NDFIP1: variants seen among roughly 807,000 people sequenced by gnomAD.
NDFIP1 encodes NEDD4 family-interacting protein 1.
Under a neutral mutation model 28.8 loss-of-function variants are expected in NDFIP1, and 7 were observed. The ratio of observed to expected loss-of-function variants is 0.24; its 90% CI spans 0.14 to 0.46. The LOEUF is 0.46. Ranked by LOEUF, NDFIP1 falls within the 20% of genes least tolerant of loss-of-function variation. The pLI, the probability that NDFIP1 is intolerant of heterozygous loss-of-function variation, is 0.99. For synonymous variants in NDFIP1, 92 were observed against 101.0 expected, an observed-to-expected ratio of 0.91 and a Z score of 0.53; for missense variants, 194 against 269.1, an observed-to-expected ratio of 0.72 and a Z score of 1.95.
chr5:142,141,280 A>C (rs1202708549), intron 6 of NDFIP1, among the ~76,000 whole-genome samples: 1 of 137,068 alleles, frequency 7.3e-6, no homozygotes, highest in Non-Finnish European at 1.5e-5. Flanking sequence ...GGTTCACACC[A>C]TTCTCCTGCC....
In NDFIP1 at chr5:142,117,565, T is replaced by G. The variant is rs184220251; in HGVS notation, c.63+8528T>G. ...CGATTTCATTTTATCATTCGATGCT[T>G]AAATGTGATATTTAAAATTAAGCAT... On this transcript the variant is annotated intron_variant, in intron 1 of 7. Coordinates refer to ENST00000253814, the MANE Select transcript of NDFIP1 (RefSeq NM_030571.4). Among the ~76,000 whole-genome samples, 5 of 152,276 alleles carry G rather than the reference T, an allele frequency of 3.3e-5. No homozygotes were observed. The East Asian group carries it at 9.6e-4, about 29-fold the overall frequency.
chr5:142,115,170 G>A (rs1757052336), intron 1 of NDFIP1, among the ~76,000 whole-genome samples: 1 of 152,116 alleles, frequency 6.6e-6, no homozygotes, highest in Non-Finnish European at 1.5e-5. Flanking sequence ...AGAGATTCAA[G>A]TGACATCCTC....
At position 142,135,752 on chromosome 5, in the gene NDFIP1, A is replaced by T; in HGVS notation, c.305A>T (p.Asp102Val). ...PGRDEDFVGRDDFDDADQLRI... is the reference protein window; with the variant it reads ...PGRDEDFVGRVDFDDADQLRI... ...TAGGATGAGGATTTTGTGGGTCGGG[A>T]TGATTTTGATGATGCTGACCAGCTG... The change falls in exon 4 of 8, where the codon GAT becomes GTT. Residue 102 changes from aspartate (D) to valine (V), a missense_variant. By Grantham distance (152) the Asp-to-Val change is radical. Coordinates refer to ENST00000253814, the MANE Select transcript of NDFIP1 (RefSeq NM_030571.4). 6.2e-7 allele frequency: 1 copy of T among 1,613,784 alleles called. No homozygotes were observed. The highest frequency in any genetic ancestry group is 8.5e-7 in the Non-Finnish European group (1 of 1,179,788).
chr5:142,134,520 C>T (rs1421927429), intron 3 of NDFIP1, among the ~76,000 whole-genome samples: 1 of 152,168 alleles, frequency 6.6e-6, no homozygotes, highest in African/African-American at 2.4e-5. Context: ...GCCATTGCCA[C>T]CGACTTCCCT....
chr5:142,146,182 TTTAAAG>T (rs2126923592), intron 7 of NDFIP1, among the ~76,000 whole-genome samples: 1 of 151,444 alleles, frequency 6.6e-6, no homozygotes, highest in South Asian at 2.1e-4. Flanking sequence ...TTAAACTGCT[TTTAAAG>T]TTAGTTTCAT....
At chr5:142,150,581 C>T (rs6580231) in intron 7 of NDFIP1, among the ~76,000 whole-genome samples, 3 of 151,782 alleles carry the variant, frequency 2.0e-5, no homozygotes, top group South Asian at 2.1e-4. Context: ...CAGAAGACAC[C>T]GGGCATAGTG....
chr5:142,141,978 T>G (rs193225348), intron 6 of NDFIP1, among the ~76,000 whole-genome samples: 197 of 152,062 alleles, frequency 1.3e-3, no homozygotes, highest in African/African-American at 4.1e-3. Context: ...TACAAAAAAA[T>G]TTTTTTAAAT....
Position 142,109,025 on chromosome 5 carries a change from C to G in NDFIP1, c.51C>G (p.Ser17Arg), listed in dbSNP as rs1205722232. 1 of 1,434,534 alleles carries G rather than the reference C, an allele frequency of 7.0e-7. No homozygotes were observed. The highest frequency in any genetic ancestry group is 2.6e-5 in the Admixed American group (1 of 38,224). 88.9% of individuals were successfully genotyped at this position (1,434,534 alleles called of 1,614,324 possible). A position where few individuals can be genotyped will look rare whatever the true frequency, so the allele number is the denominator to read the frequency against. The change falls in exon 1 of 8, where the codon AGC becomes AGG. Residue 17 changes from serine (S) to arginine (R), a missense_variant. By Grantham distance (110) the Ser-to-Arg change is moderately radical. Transcript: ENST00000253814. ...CGGCGGTCGAGCCGGCCTGCGGCAG[C>G]CGGTACCAGCAGGTAAGCGGCGCCC... ...ALAAVEPACG[S>R]RYQQLQNEEE...
chr5:142,114,908 T>C (rs1757050184), intron 1 of NDFIP1, among the ~76,000 whole-genome samples: 1 of 152,214 alleles, frequency 6.6e-6, no homozygotes, highest in Non-Finnish European at 1.5e-5. Context: ...CAAGATTTAT[T>C]TGGCTTAATC....
In NDFIP1 at chr5:142,108,906, A is replaced by C; in HGVS notation, c.-69A>C. On this transcript the variant is annotated 5_prime_UTR_variant, in exon 1 of 8. Coordinates refer to ENST00000253814, the MANE Select transcript of NDFIP1 (RefSeq NM_030571.4). ...TCCCCCTCGGCCTCCCAGCGCTCCCAAGCCGCAGCGGCCGCGCCCCTTCAG... is the reference window on the plus strand; with the variant it reads ...TCCCCCTCGGCCTCCCAGCGCTCCCCAGCCGCAGCGGCCGCGCCCCTTCAG... The C allele has an allele frequency of 7.5e-7, 1 of 1,324,664 alleles. No individual in the cohort carries two copies. Among genetic ancestry groups the C allele is most frequent in the Non-Finnish European group, 9.7e-7 (1 of 1,030,962 alleles). The allele number at this position is 1,324,664 out of a possible 1,614,324, so 82.1% of individuals were successfully genotyped here. A position where few individuals can be genotyped will look rare whatever the true frequency, so the allele number is the denominator to read the frequency against.
chr5:142,130,454 A>G (rs542966775), intron 1 of NDFIP1, among the ~76,000 whole-genome samples: 1 of 152,208 alleles, frequency 6.6e-6, no homozygotes, highest in East Asian at 1.9e-4. Flanking sequence ...TTTGGTGTGC[A>G]TGTGGAATAT....
intron 5 of NDFIP1, chr5:142,138,261 C>G (rs1757294892): frequency 6.5e-6 from 1 of 154,820 alleles, no homozygotes; most frequent in Non-Finnish European, 1.4e-5. Flanking sequence ...TCCTTCTTTT[C>G]TTTTCTCCTT....
At position 142,128,545 on chromosome 5, in the gene NDFIP1, C is replaced by T. The variant is rs78105653; in HGVS notation, c.64-3263C>T. ...AGTTATTATGCATGCAGATGGCAGG[C>T]ACTAAGTGCTTACTCTTTTTGAAGG... On this transcript the variant is annotated intron_variant, in intron 1 of 7. Transcript: ENST00000253814. 8.2e-3 allele frequency among the ~76,000 whole-genome samples: 1,247 copies of T among 152,260 alleles called. 18 individuals carry two copies. Among genetic ancestry groups the T allele is most frequent in the African/African-American group, 0.029 (1,196 of 41,524 alleles).
chr5:142,117,915 A>G (rs1218123002), intron 1 of NDFIP1, among the ~76,000 whole-genome samples: 2 of 151,940 alleles, frequency 1.3e-5, no homozygotes, highest in Non-Finnish European at 2.9e-5. Context: ...TTTTCCCCCT[A>G]AGATGGGTTC....
intron 3 of NDFIP1, among the ~76,000 whole-genome samples, chr5:142,134,693 A>G (rs1282444765): frequency 2.0e-5 from 3 of 152,188 alleles, no homozygotes; most frequent in Admixed American, 2.0e-4. Context: ...ATATTCAATT[A>G]TTTTTAAATA....
intron 6 of NDFIP1, among the ~76,000 whole-genome samples, chr5:142,141,421 C>T (rs112324272): frequency 6.6e-6 from 1 of 151,686 alleles, no homozygotes; most frequent in Non-Finnish European, 1.5e-5. Flanking sequence ...TGTGATCCGC[C>T]CGCCTCGGCC....
intron 3 of NDFIP1, chr5:142,134,187 A>G (rs1328927873): frequency 6.6e-6 from 1 of 152,226 alleles, no homozygotes; most frequent in Non-Finnish European, 1.5e-5. Flanking sequence ...CAGGGGTATG[A>G]GAGGACTTGT....
chr5:142,146,679 GA>G (rs1381845175), intron 7 of NDFIP1, among the ~76,000 whole-genome samples: 3 of 152,160 alleles, frequency 2.0e-5, no homozygotes, highest in African/African-American at 7.2e-5. Flanking sequence ...AATGGACTGA[GA>G]TCACACCTCT....
At chr5:142,147,695 A>C (rs1044491699) in intron 7 of NDFIP1, among the ~76,000 whole-genome samples, 19 of 152,214 alleles carry the variant, frequency 1.2e-4, no homozygotes, top group African/African-American at 3.6e-4. Flanking sequence ...TAAAGGATAA[A>C]TTTGATCTTA....
Sources: gnomAD v4.1 joint callset for allele counts (sites outside exome capture counted in the v4.1 genomes callset) on GRCh38, gnomAD v4.1.1 for gene constraint, MANE v1.5 for transcripts, NCBI Gene and HGNC (gene_info 2026-07-23, HGNC 2026-07-21) for gene names.